The following PHACTR1 variants were observed in gnomAD, a reference collection of about 807,000 sequenced individuals.
The protein encoded by PHACTR1 is RPEL repeat containing 1.
Under a neutral mutation model 69.2 loss-of-function variants are expected in PHACTR1, and 16 were observed. The ratio of observed to expected loss-of-function variants is 0.23; its 90% confidence interval spans 0.16 to 0.35. The LOEUF is 0.35. PHACTR1 is among the 10% of genes least tolerant of loss of function. The pLI is 1.00. For missense variants in PHACTR1, 510 were observed against 734.7 expected (o/e 0.69, Z 3.54); for synonymous variants, 312 against 284.5 (o/e 1.10, Z -0.97).
At chr6:12,765,512 T>C (rs985281311) in intron 4 of PHACTR1, among the ~76,000 whole-genome samples, 1 of 152,212 alleles carries the variant, frequency 6.6e-6, no homozygotes, top group Admixed American at 6.5e-5. Context: ...ACCAAACTTA[T>C]TGGATTTCTT....
At chr6:13,052,202 C>T (rs1202419426) in intron 4 of PHACTR1, among the ~76,000 whole-genome samples, 2 of 152,244 alleles carry the variant, frequency 1.3e-5, no homozygotes, top group Admixed American at 6.5e-5. Context: ...TAGCTTATCA[C>T]ATCTGTCACC....
chr6:13,105,102 C>G (rs998190655), intron 5 of PHACTR1, among the ~76,000 whole-genome samples: 2 of 152,128 alleles, frequency 1.3e-5, no homozygotes, highest in Non-Finnish European at 2.9e-5. Context: ...TGACTGTTGG[C>G]GCAGCATGGT....
intron 4 of PHACTR1, among the ~76,000 whole-genome samples, chr6:12,873,716 A>G (rs910875230): frequency 2.0e-5 from 3 of 152,180 alleles, no homozygotes; most frequent in African/African-American, 7.2e-5. Context: ...GGGAGGAGAT[A>G]TTTAGGGACA....
Position 12,805,375 on chromosome 6 carries a change from CACGT to C in PHACTR1, c.250+55586_250+55589del, listed in dbSNP as rs1774185618. Among the ~76,000 whole-genome samples, 3 of 152,156 alleles carry C rather than the reference CACGT, an allele frequency of 2.0e-5. No individual in the cohort carries two copies. In the South Asian group the frequency reaches 6.2e-4, roughly 32 times the overall value. On this transcript the variant is annotated intron_variant, in intron 4 of 14. Transcript: ENST00000332995. Reference sequence around the variant, plus strand: ...CTATCTCACTTTTCTAGAAGTGCGACACGTTTGTGTAGCTTTAAATTCTGTCTCA... The same window carrying C: ...CTATCTCACTTTTCTAGAAGTGCGACTTGTGTAGCTTTAAATTCTGTCTCA...
chr6:12,913,130 C>T (rs1786593681), intron 4 of PHACTR1, among the ~76,000 whole-genome samples: 2 of 152,258 alleles, frequency 1.3e-5, no homozygotes, highest in South Asian at 2.1e-4. Context: ...AGACATACAA[C>T]CAAAACATTT....
intron 4 of PHACTR1, among the ~76,000 whole-genome samples, chr6:12,861,962 A>G (rs1164787471): frequency 6.6e-5 from 10 of 152,116 alleles, no homozygotes; most frequent in Non-Finnish European, 1.3e-4. Flanking sequence ...GTATTACAAA[A>G]TGTGTGTGTG....
chr6:12,829,156 G>A (rs1255277997), intron 4 of PHACTR1, among the ~76,000 whole-genome samples: 1 of 152,162 alleles, frequency 6.6e-6, no homozygotes, highest in Non-Finnish European at 1.5e-5. Context: ...ATTTGGAATA[G>A]AAGCAAGACA....
intron 10 of PHACTR1, among the ~76,000 whole-genome samples, chr6:13,254,660 G>T (rs1292733764): frequency 6.6e-6 from 1 of 152,180 alleles, no homozygotes; most frequent in Non-Finnish European, 1.5e-5. Context: ...CCTGAGGAGG[G>T]TTTATTTACA....
intron 3 of PHACTR1, among the ~76,000 whole-genome samples, chr6:12,743,845 G>T (rs1454141001): frequency 6.6e-6 from 1 of 152,138 alleles, no homozygotes; most frequent in Admixed American, 6.6e-5. Context: ...CAAATCAACA[G>T]AATATACATT....
intron 5 of PHACTR1, among the ~76,000 whole-genome samples, chr6:13,076,013 A>T (rs1810405900): frequency 6.7e-6 from 1 of 149,080 alleles, no homozygotes; most frequent in Non-Finnish European, 1.5e-5. Flanking sequence ...GAAAAAAACA[A>T]TGCAAGGGAG....
chr6:12,779,552 TAAC>T (rs1770549755), intron 4 of PHACTR1, among the ~76,000 whole-genome samples: 1 of 144,516 alleles, frequency 6.9e-6, no homozygotes, highest in African/African-American at 2.6e-5. Context: ...AATAAATAAA[TAAC>T]ACCTTCTAAC....
At chr6:12,773,089 T>A (rs891462069) in intron 4 of PHACTR1, among the ~76,000 whole-genome samples, 7 of 152,212 alleles carry the variant, frequency 4.6e-5, no homozygotes, top group South Asian at 2.1e-4. Flanking sequence ...GGTGAATGGA[T>A]TGAGCACACA....
At chr6:12,917,972 A>G (rs1455812787) in intron 4 of PHACTR1, among the ~76,000 whole-genome samples, 2 of 152,174 alleles carry the variant, frequency 1.3e-5, no homozygotes, top group African/African-American at 4.8e-5. Context: ...AGAACCACAA[A>G]AATGCTATCC....
intron 5 of PHACTR1, among the ~76,000 whole-genome samples, chr6:13,123,636 T>C: frequency 6.6e-6 from 1 of 152,320 alleles, no homozygotes; most frequent in East Asian, 1.9e-4. Flanking sequence ...TTGGGGTGTT[T>C]TGTTGTTGTT....
At chr6:12,938,484 A>G (rs1789718571) in intron 4 of PHACTR1, among the ~76,000 whole-genome samples, 1 of 152,188 alleles carries the variant, frequency 6.6e-6, no homozygotes, top group African/African-American at 2.4e-5. Context: ...ATAACACGGC[A>G]TGGCCCCATC....
chr6:12,955,404 T>C (rs2013898018), intron 4 of PHACTR1, among the ~76,000 whole-genome samples: 1 of 152,078 alleles, frequency 6.6e-6, no homozygotes, highest in Non-Finnish European at 1.5e-5. Context: ...GGGGTCTTGC[T>C]ATGTTGCCCA....
At chr6:13,149,148 C>A (rs1823910353) in intron 5 of PHACTR1, among the ~76,000 whole-genome samples, 1 of 152,134 alleles carries the variant, frequency 6.6e-6, no homozygotes, top group Non-Finnish European at 1.5e-5. Context: ...CTTTTTACAA[C>A]AGAACACCTC....
chr6:13,006,635 T>A (rs1798832255), intron 4 of PHACTR1, among the ~76,000 whole-genome samples: 1 of 151,718 alleles, frequency 6.6e-6, no homozygotes, highest in Non-Finnish European at 1.5e-5. Context: ...CATACACAAC[T>A]TATATTAAAT....
chr6:13,172,299 T>G lies in PHACTR1; in HGVS notation c.497-10220T>G, dbSNP rs141809047. On this transcript the variant is annotated intron_variant, in intron 6 of 14. Transcript: ENST00000332995. ...GTAACTCCTCTTTCAGCTACAAACC[T>G]TGGAGCCAGAGTCATTGTTTGGAAA... Among the ~76,000 whole-genome samples the G allele has an allele frequency of 9.0e-4, 137 of 152,290 alleles. 1 individual carries two copies. Among genetic ancestry groups the G allele is most frequent in the Non-Finnish European group, 1.3e-4 (9 of 68,012 alleles).
Sources: allele counts gnomAD v4.1 joint callset (sites outside exome capture counted in the v4.1 genomes callset), GRCh38; gene constraint gnomAD v4.1.1; transcripts MANE v1.5; gene names NCBI Gene and HGNC (gene_info 2026-07-23, HGNC 2026-07-21).